SNX17: variants seen among roughly 807,000 people sequenced by gnomAD.
SNX17 encodes sorting nexin 17.
A neutral mutation model predicts 64.3 loss-of-function variants in SNX17; 35 were observed. That is an observed-to-expected ratio of 0.54 (90% CI 0.42 to 0.72). The LOEUF is 0.72. Ranked by LOEUF, SNX17 falls within the 30% of genes least tolerant of loss-of-function variation. The pLI, the probability that SNX17 is intolerant of heterozygous loss-of-function variation, is 0.00. For synonymous variants in SNX17, 259 were observed against 230.2 expected (o/e 1.13, Z -1.13); for missense variants, 538 against 610.0 (o/e 0.88, Z 1.24).
chr2:27,375,045 C>T lies in SNX17; in HGVS notation c.682-16C>T. On this transcript the variant is annotated splice_polypyrimidine_tract_variant and intron_variant, in intron 8 of 14. Coordinates refer to ENST00000233575, the MANE Select transcript of SNX17 (RefSeq NM_014748.4). The surrounding 1 kb of genome is among the most constrained non-coding windows in gnomAD (Gnocchi z 4.1). ...GACTGGGACCTCCTACTGCCTGCCC[C>T]TTGTCTCTACTATAGACGGTATCAG... 7.4e-6 allele frequency: 12 copies of T among 1,612,116 alleles called. No individual in the cohort carries two copies. The highest frequency in any genetic ancestry group is 2.2e-5 in the East Asian group (1 of 44,860).
chr2:27,374,270 C>A, intron 6 of SNX17, 76 bp from the exon 7 acceptor site: 1 of 1,343,982 alleles, frequency 7.4e-7, no homozygotes. Context: ...ATGAACATTG[C>A]CTCAGGGCAC....
intron 2 of SNX17, 167 bp from the exon 3 acceptor site, chr2:27,372,456 A>G: frequency 5.6e-6 from 2 of 356,932 alleles, no homozygotes; most frequent in Non-Finnish European, 7.8e-6. Flanking sequence ...AGCTCCCTTG[A>G]GGTGCTACCG....
chr2:27,373,297 C>T lies in SNX17; in HGVS notation c.307C>T (p.Arg103Cys), dbSNP rs773263695. ...GSSETFNSFL[R>C]RAQQETQQVP... ...CAGCGAGACTTTCAACAGTTTCCTG[C>T]GTCGGGCACAACAGGTAGGGCTTTG... Residue 103 changes from arginine to cysteine, a missense_variant, in exon 4 of 15, where the codon CGT becomes TGT. Physicochemically the swap from Arg to Cys is radical, Grantham distance 180. Around this residue, in one of 3 missense-constraint regions of SNX17, gnomAD observed 505 missense variants for 550.4 expected, o/e 0.92. Transcript: ENST00000233575. 5 of 1,614,138 alleles carry T rather than the reference C, an allele frequency of 3.1e-6. No individual in the cohort carries two copies. Among genetic ancestry groups the T allele is most frequent in the South Asian group, 1.1e-5 (1 of 91,088 alleles).
intron 2 of SNX17, chr2:27,371,627 C>T (rs1010882613): frequency 3.0e-6 from 1 of 328,094 alleles, no homozygotes; most frequent in African/African-American, 2.2e-5. Context: ...CAACCCCTCC[C>T]CCCACTACCT....
chr2:27,371,487 T>G, intron 2 of SNX17, 144 bp downstream of exon 2: 29 of 1,393,340 alleles, frequency 2.1e-5, no homozygotes, highest in Non-Finnish European at 2.7e-5. Flanking sequence ...CTGGTTTATC[T>G]TGTCTGACAT....
chr2:27,377,473 C>T lies in SNX17; in HGVS notation c.*754C>T. On this transcript the variant is annotated 3_prime_UTR_variant, in exon 15 of 15. Coordinates refer to ENST00000233575, the MANE Select transcript of SNX17 (RefSeq NM_014748.4). The surrounding 1 kb of genome is among the most constrained non-coding windows in gnomAD (Gnocchi z 4.4). ...AGTGCCTACGTTAGTCTGTGTGGAG[C>T]CCCTGGCCAGCGGGGGAGAAAAAGG... 2.0e-6 allele frequency: 3 copies of T among 1,531,356 alleles called. No homozygotes were observed. Among genetic ancestry groups the T allele is most frequent in the Non-Finnish European group, 2.7e-6 (3 of 1,111,306 alleles). The allele number at this position is 1,531,356 out of a possible 1,614,324, so 94.9% of individuals were successfully genotyped here.
chr2:27,374,322 C>CA, intron 6 of SNX17, 24 bp from the exon 7 acceptor site: 11 of 1,525,620 alleles, frequency 7.2e-6, no homozygotes, highest in African/African-American at 1.4e-5. Flanking sequence ...ACTATATTTT[C>CA]ATTTTTTTTT....
At chr2:27,371,540 G>C (rs1343655434) in intron 2 of SNX17, 197 bp downstream of exon 2, 1 of 1,155,630 alleles carries the variant, frequency 8.7e-7, no homozygotes, top group Admixed American at 3.6e-5. Flanking sequence ...CGCAACAACT[G>C]CTCCTTCCTG....
At chr2:27,371,633 T>G in intron 2 of SNX17, 4 of 290,250 alleles carry the variant, frequency 1.4e-5, no homozygotes, top group Non-Finnish European at 1.9e-5. Context: ...CTCCCCCCAC[T>G]ACCTCCACCC....
intron 2 of SNX17, 51 bp downstream of exon 2, chr2:27,371,394 T>C: frequency 6.4e-7 from 1 of 1,571,134 alleles, no homozygotes; most frequent in East Asian, 2.3e-5. Flanking sequence ...TCCCTACACG[T>C]GGACATCAGT....
At position 27,371,340 on chromosome 2, in the gene SNX17, G is replaced by A. The variant is rs202101865; in HGVS notation, c.135G>A (p.Glu45=). ...VRYSQLLGLH[E]QLRKEYGANV... ...ACAGCCAGCTCCTGGGGCTGCACGA[G>A]CAGGTGGGACTAGCACCCCTGCCTT... The change falls in exon 2 of 15, where the codon GAG becomes GAA. Residue 45 remains glutamate, a synonymous_variant. Coordinates refer to ENST00000233575, the MANE Select transcript of SNX17 (RefSeq NM_014748.4). 91 of 1,611,774 alleles carry A rather than the reference G, an allele frequency of 5.6e-5. No homozygotes were observed. In the Admixed American group the frequency reaches 5.8e-4, roughly 10 times the overall value.
chr2:27,373,720 T>C (rs1478431553), intron 4 of SNX17, 141 bp from the exon 5 acceptor site: 2 of 650,248 alleles, frequency 3.1e-6, no homozygotes, highest in Non-Finnish European at 5.5e-6. Flanking sequence ...GGAACTTCTA[T>C]TCTTATGAAA....
rs1454652815 is a variant in SNX17, at chr2:27,376,529, C to A, written c.1299+9C>A. 1 of 1,614,188 alleles carries A rather than the reference C, an allele frequency of 6.2e-7. No homozygotes were observed. Among genetic ancestry groups the A allele is most frequent in the South Asian group, 1.1e-5 (1 of 91,082 alleles). On this transcript the variant is annotated intron_variant, in intron 14 of 14. Coordinates refer to ENST00000233575, the MANE Select transcript of SNX17 (RefSeq NM_014748.4). ...CTATGGTCAAACTCTCAGTGAGTTC[C>A]AGCGTTGGTGAGGTTGCTGTTTGTT...
rs1437959653 is a variant in SNX17, at chr2:27,377,073, T to A, written c.*354T>A. ...CAAAGGCCAAGGGGATGGGCAGAGGTCTGTGTTTGGTCTGGCCCAGTTCCC... is the reference window on the plus strand; with the variant it reads ...CAAAGGCCAAGGGGATGGGCAGAGGACTGTGTTTGGTCTGGCCCAGTTCCC... On this transcript the variant is annotated 3_prime_UTR_variant, in exon 15 of 15. Transcript: ENST00000233575. The surrounding 1 kb of genome is among the most constrained non-coding windows in gnomAD (Gnocchi z 4.4). 23 of 403,386 alleles carry A rather than the reference T, an allele frequency of 5.7e-5. No individual in the cohort carries two copies. The highest frequency in any genetic ancestry group is 9.7e-5 in the Non-Finnish European group (21 of 215,712). The allele number at this position is 403,386 out of a possible 1,614,324, so 25.0% of individuals were successfully genotyped here.
intron 13 of SNX17, 33 bp from the exon 14 acceptor site, chr2:27,376,446 G>A (rs764094078): frequency 1.9e-6 from 3 of 1,613,754 alleles, no homozygotes; most frequent in South Asian, 1.1e-5. Flanking sequence ...CTCTCCTAGT[G>A]AGTTTCTGAC....
chr2:27,377,365 T>C lies in SNX17; in HGVS notation c.*646T>C, dbSNP rs1301348621. 4 of 733,808 alleles carry C rather than the reference T, an allele frequency of 5.5e-6. No individual in the cohort carries two copies. The highest frequency in any genetic ancestry group is 7.2e-6 in the Non-Finnish European group (3 of 414,108). 45.5% of individuals were successfully genotyped at this position (733,808 alleles called of 1,614,324 possible). A position where few individuals can be genotyped will look rare whatever the true frequency, so the allele number is the denominator to read the frequency against. ...GAGGTGAATACAGGGCCCTTCTCAC[T>C]GAGCTCGTGAAGTGCCTCAGTCAAG... On this transcript the variant is annotated 3_prime_UTR_variant, in exon 15 of 15. Transcript: ENST00000233575. The surrounding 1 kb of genome is among the most constrained non-coding windows in gnomAD (Gnocchi z 4.4).
intron 4 of SNX17, 87 bp from the exon 5 acceptor site, chr2:27,373,774 C>A: frequency 1.1e-6 from 1 of 871,206 alleles, no homozygotes; most frequent in Non-Finnish European, 1.9e-6. Context: ...AGAATAAAGA[C>A]ACACAAGGGA....
In SNX17 at chr2:27,371,261, G is replaced by C. The variant is rs925483898; in HGVS notation, c.64-8G>C. Reference sequence around the variant, plus strand: ...CCCTAAAATGCTTGACTACTTTTGTGTCCTCAGGCCTATAACATTCACGTG... The same window carrying C: ...CCCTAAAATGCTTGACTACTTTTGTCTCCTCAGGCCTATAACATTCACGTG... On this transcript the variant is annotated splice_polypyrimidine_tract_variant and splice_region_variant and intron_variant, in intron 1 of 14. Transcript: ENST00000233575. The C allele has an allele frequency of 6.2e-7, 1 of 1,613,138 alleles. No homozygotes were observed. The highest frequency in any genetic ancestry group is 8.5e-7 in the Non-Finnish European group (1 of 1,179,948).
intron 8 of SNX17, 126 bp downstream of exon 8, chr2:27,374,884 C>A: frequency 3.0e-6 from 3 of 1,009,378 alleles, no homozygotes; most frequent in Non-Finnish European, 3.1e-6. Flanking sequence ...ACTATCAGTG[C>A]TGCTGGCACA....
Sources: gnomAD v4.1 joint callset for allele counts on GRCh38, gnomAD v4.1.1 for gene constraint, gnomAD v4.1.1 regional missense constraint, Gnocchi (gnomAD v3.1) non-coding constraint, MANE v1.5 for transcripts, NCBI Gene and HGNC (gene_info 2026-07-23, HGNC 2026-07-21) for gene names.